Variants in RAB3C observed in about 807,000 individuals in gnomAD.
RAB3C encodes RAB3C, member RAS oncogene family, also known as ras-related protein Rab-3C.
A neutral mutation model predicts 26.4 loss-of-function variants in RAB3C; 17 were observed. That is an observed-to-expected ratio of 0.64 (90% CI 0.44 to 0.97). The LOEUF is 0.97. Among genes scored for constraint, RAB3C ranks in the 50% least tolerant of loss-of-function variants. RAB3C has a pLI of 0.00. For missense variants in RAB3C, 242 were observed against 281.9 expected (o/e 0.86, Z 1.01); for synonymous variants, 91 against 95.9 (o/e 0.95, Z 0.30).
intron 3 of RAB3C, among the ~76,000 whole-genome samples, chr5:58,810,534 A>T (rs532200626): frequency 1.3e-5 from 2 of 152,244 alleles, no homozygotes; most frequent in Admixed American, 1.3e-4. Flanking sequence ...TGATAGAAGG[A>T]TACTGGTATA....
chr5:58,756,387 C>CATATATATATATATATATAT (rs71604764), intron 3 of RAB3C, among the ~76,000 whole-genome samples: 1 of 132,066 alleles, frequency 7.6e-6, no homozygotes, highest in Admixed American at 7.8e-5. Context: ...TACTATATAA[C>CATATATATATATATATATAT]ATATATATAT....
chr5:58,819,340 G>C (rs1469454809), intron 3 of RAB3C, among the ~76,000 whole-genome samples: 1 of 152,132 alleles, frequency 6.6e-6, no homozygotes, highest in Non-Finnish European at 1.5e-5. Context: ...GAGTTGGAAG[G>C]GATGGGAACT....
At chr5:58,803,815 C>G (rs752818219) in intron 3 of RAB3C, among the ~76,000 whole-genome samples, 5 of 152,230 alleles carry the variant, frequency 3.3e-5, no homozygotes, top group Non-Finnish European at 5.9e-5. Flanking sequence ...AATCCCAACA[C>G]TTTGGGAGGC....
rs568587567 is a variant in RAB3C, at chr5:58,718,212, T to C, written c.253-7790T>C. ...TTAGAAGGAAAGCAAAAATGATGTC[T>C]TCTCCTGCCTTTGTGTTAAACATTC... On this transcript the variant is annotated intron_variant, in intron 2 of 4. Coordinates refer to ENST00000282878, the MANE Select transcript of RAB3C (RefSeq NM_138453.4). Among the ~76,000 whole-genome samples the C allele has an allele frequency of 2.4e-3, 371 of 152,246 alleles. 2 individuals carry two copies. The highest frequency in any genetic ancestry group is 8.2e-3 in the African/African-American group (342 of 41,566).
At chr5:58,839,420 G>T (rs192106220) in intron 4 of RAB3C, among the ~76,000 whole-genome samples, 1 of 150,372 alleles carries the variant, frequency 6.7e-6, no homozygotes, top group African/African-American at 2.5e-5. Context: ...GCCCAGGCTG[G>T]AGTGCAATGG....
intron 1 of RAB3C, among the ~76,000 whole-genome samples, chr5:58,597,618 A>G (rs1431301620): frequency 7.4e-6 from 1 of 134,984 alleles, no homozygotes; most frequent in African/African-American, 2.6e-5. Context: ...AACAATATAT[A>G]GTTCATTATA....
intron 1 of RAB3C, among the ~76,000 whole-genome samples, chr5:58,594,581 C>G (rs1477114180): frequency 6.6e-6 from 1 of 151,972 alleles, no homozygotes; most frequent in Non-Finnish European, 1.5e-5. Context: ...ATGAATACAC[C>G]AAGTTTTTCA....
intron 2 of RAB3C, among the ~76,000 whole-genome samples, chr5:58,663,149 G>A (rs1223948979): frequency 6.7e-6 from 1 of 149,464 alleles, no homozygotes; most frequent in Non-Finnish European, 1.5e-5. Flanking sequence ...AATATACAAA[G>A]TATGCAAAGT....
intron 2 of RAB3C, among the ~76,000 whole-genome samples, chr5:58,696,674 A>G (rs1748707459): frequency 6.6e-6 from 1 of 152,164 alleles, no homozygotes; most frequent in Admixed American, 6.5e-5. Context: ...TCAGGAATTT[A>G]TCCATTTCTT....
rs1744126374 is a variant in RAB3C at position 58,851,991 on chromosome 5, A to G, written c.*640A>G. The G allele has an allele frequency of 6.6e-6, 1 of 152,162 alleles. No homozygotes were observed. The highest frequency in any genetic ancestry group is 1.5e-5 in the Non-Finnish European group (1 of 68,030). The allele number at this position is 152,162 out of a possible 1,614,324, so 9.4% of individuals were successfully genotyped here. On this transcript the variant is annotated 3_prime_UTR_variant, in exon 5 of 5. Coordinates refer to ENST00000282878, the MANE Select transcript of RAB3C (RefSeq NM_138453.4). ...TTTTAAGGTCCTTGCAATTTTCCTA[A>G]GTCATTAATATTACCTGACTGGGGC...
intron 2 of RAB3C, among the ~76,000 whole-genome samples, chr5:58,629,908 G>A (rs538972243): frequency 4.6e-5 from 7 of 152,282 alleles, no homozygotes; most frequent in Non-Finnish European, 8.8e-5. Flanking sequence ...GTGGCTTCCC[G>A]CAAGTCTGAC....
At chr5:58,623,215 G>A (rs1245563916) in intron 2 of RAB3C, among the ~76,000 whole-genome samples, 2 of 152,200 alleles carry the variant, frequency 1.3e-5, no homozygotes, top group African/African-American at 2.4e-5. Context: ...TGTTTCTGCT[G>A]TTGGAGAACG....
At chr5:58,845,844 C>A (rs1488235606) in intron 4 of RAB3C, among the ~76,000 whole-genome samples, 5 of 151,772 alleles carry the variant, frequency 3.3e-5, no homozygotes, top group Non-Finnish European at 7.4e-5. Context: ...CCCTGCCCAT[C>A]AGCATTCACT....
chr5:58,836,541 C>T (rs1415723289), intron 4 of RAB3C, among the ~76,000 whole-genome samples: 2 of 152,178 alleles, frequency 1.3e-5, no homozygotes, highest in African/African-American at 4.8e-5. Flanking sequence ...TCCCTTCCCC[C>T]ACACCCTTCT....
intron 3 of RAB3C, among the ~76,000 whole-genome samples, chr5:58,735,972 C>A (rs373411626): frequency 6.6e-6 from 1 of 152,320 alleles, no homozygotes; most frequent in East Asian, 1.9e-4. Context: ...CTATTAGCTA[C>A]AAATTCCTGC....
At chr5:58,830,782 G>C (rs1325337765) in intron 4 of RAB3C, among the ~76,000 whole-genome samples, 1 of 152,104 alleles carries the variant, frequency 6.6e-6, no homozygotes, top group East Asian at 1.9e-4. Context: ...TTTCCACCAG[G>C]AAAAATTGTA....
upstream of RAB3C, among the ~76,000 whole-genome samples, chr5:58,582,863 T>A (rs113782886): frequency 6.6e-6 from 1 of 152,036 alleles, no homozygotes. Context: ...CTGGGAGAGG[T>A]AACCCAGGAG....
chr5:58,812,138 ACTT>A (rs1264464877), intron 3 of RAB3C, among the ~76,000 whole-genome samples: 1 of 152,114 alleles, frequency 6.6e-6, no homozygotes, highest in Non-Finnish European at 1.5e-5. Flanking sequence ...AAACAAACCT[ACTT>A]CTCACAAAAC....
chr5:58,807,596 G>C (rs2112034924), intron 3 of RAB3C, among the ~76,000 whole-genome samples: 1 of 152,240 alleles, frequency 6.6e-6, no homozygotes, highest in African/African-American at 2.4e-5. Context: ...ATGCCTTCTT[G>C]CATTCTCACA....
Sources: gnomAD v4.1 joint callset for allele counts (sites outside exome capture counted in the v4.1 genomes callset) on GRCh38, gnomAD v4.1.1 for gene constraint, MANE v1.5 for transcripts, NCBI Gene and HGNC (gene_info 2026-07-23, HGNC 2026-07-21) for gene names.